FAM53C: variants seen among roughly 807,000 people sequenced by gnomAD.
FAM53C encodes the protein protein FAM53C.
A neutral mutation model predicts 34.7 loss-of-function variants in FAM53C; 10 were observed. That is an observed-to-expected ratio of 0.29 (90% CI 0.18 to 0.49). The LOEUF is 0.49. Ranked by LOEUF, FAM53C falls within the 20% of genes least tolerant of loss-of-function variation. FAM53C has a pLI of 0.99. For missense variants in FAM53C, 442 were observed against 515.3 expected, an observed-to-expected ratio of 0.86 and a Z score of 1.38; for synonymous variants, 203 against 203.6, an observed-to-expected ratio of 1.00 and a Z score of 0.03.
intron 3 of FAM53C, among the ~76,000 whole-genome samples, chr5:138,344,541 G>T (rs7723592): frequency 2.1e-3 from 322 of 152,316 alleles, no homozygotes; most frequent in Middle Eastern, 6.8e-3. Context: ...CCAGGTAGTT[G>T]GTCACAATGG....
In FAM53C at chr5:138,344,810, A is replaced by G. The variant is rs1761121653; in HGVS notation, c.137-15A>G. 7 of 1,518,042 alleles carry G rather than the reference A, an allele frequency of 4.6e-6. No homozygotes were observed. The highest frequency in any genetic ancestry group is 2.3e-5 in the East Asian group (1 of 43,778). 94.0% of individuals were successfully genotyped at this position (1,518,042 alleles called of 1,614,324 possible). A position where few individuals can be genotyped will look rare whatever the true frequency, so the allele number is the denominator to read the frequency against. On this transcript the variant is annotated splice_polypyrimidine_tract_variant and intron_variant, in intron 3 of 4. Transcript: ENST00000239906. ...AGCTATCATTAATATTATTCTTATT[A>G]TAAATGCCTTCCAGAAGGTGCTTCC...
chr5:138,345,485 G>A lies in FAM53C; in HGVS notation c.797G>A (p.Arg266His), dbSNP rs748145088. The A allele has an allele frequency of 1.1e-5, 18 of 1,613,870 alleles. No homozygotes were observed. In the South Asian group the frequency reaches 1.2e-4, roughly 11 times the overall value. Residue 266 changes from arginine (R) to histidine (H), a missense_variant, in exon 4 of 5, where the codon CGC (arginine) becomes CAC (histidine). By Grantham distance (29) the Arg-to-His change is conservative. Coordinates refer to ENST00000239906, the MANE Select transcript of FAM53C (RefSeq NM_016605.3). This position sits in a 1 kb window ranked among gnomAD's most constrained non-coding sequence, Gnocchi z 6.3. ...CTGCCCTGGCGACCTCGAGGTCTCC[G>A]CAACCTTCCCCGAAGCCGCTCACAG... ...PELPWRPRGL[R>H]NLPRSRSQPC...
rs1761200951 is a variant in FAM53C at position 138,347,066 on chromosome 5, G to A, written c.*107G>A. On this transcript the variant is annotated 3_prime_UTR_variant, in exon 5 of 5. Transcript: ENST00000239906. ...CCGAGCCTGGGAATGGGGGTGAGTGGAGGGCTCCGACTCAGGGCAGCTGGA... is the reference window on the plus strand; with the variant it reads ...CCGAGCCTGGGAATGGGGGTGAGTGAAGGGCTCCGACTCAGGGCAGCTGGA... 3 of 1,468,426 alleles carry A rather than the reference G, an allele frequency of 2.0e-6. No homozygotes were observed. Among genetic ancestry groups the A allele is most frequent in the African/African-American group, 2.8e-5 (2 of 71,966 alleles). 91.0% of individuals were successfully genotyped at this position (1,468,426 alleles called of 1,614,324 possible). A position where few individuals can be genotyped will look rare whatever the true frequency, so the allele number is the denominator to read the frequency against.
At chr5:138,344,001 A>G (rs1761102192) in intron 3 of FAM53C, among the ~76,000 whole-genome samples, 1 of 152,168 alleles carries the variant, frequency 6.6e-6, no homozygotes, top group South Asian at 2.1e-4. Context: ...AGCTAGCCAG[A>G]GGAGTTTGGA....
rs879122307 is a variant in FAM53C at position 138,345,507 on chromosome 5, A to T, written c.819A>T (p.Ser273=). The T allele has an allele frequency of 6.2e-7, 1 of 1,614,024 alleles. No individual in the cohort carries two copies. The highest frequency in any genetic ancestry group is 1.7e-5 in the Admixed American group (1 of 60,026). ...TCCGCAACCTTCCCCGAAGCCGCTC[A>T]CAGCCTTGTGATCTGGATGCCCGCA... is the stretch of plus-strand genomic sequence containing the variant. ...RGLRNLPRSR[S]QPCDLDARKT... is the part of the protein sequence containing the mutation. Residue 273 remains serine (S), a synonymous_variant, in exon 4 of 5, where the codon TCA becomes TCT. Transcript: ENST00000239906. The surrounding 1 kb of genome is among the most constrained non-coding windows in gnomAD (Gnocchi z 6.3).
chr5:138,341,333 A>G lies in FAM53C; in HGVS notation c.-3A>G. The G allele has an allele frequency of 6.2e-7, 1 of 1,613,780 alleles. No individual in the cohort carries two copies. The highest frequency in any genetic ancestry group is 8.5e-7 in the Non-Finnish European group (1 of 1,179,650). On this transcript the variant is annotated 5_prime_UTR_variant, in exon 2 of 5. Coordinates refer to ENST00000239906, the MANE Select transcript of FAM53C (RefSeq NM_016605.3). ...GTGTGCAAGTCAAATCCTGGGGAGA[A>G]TCATGATAACCCTGATCACTGAGCA...
At chr5:138,338,033 G>A (rs1760837096), upstream of FAM53C, 1 of 1,289,518 alleles carries the variant, frequency 7.8e-7, no homozygotes, top group South Asian at 1.2e-5. Context: ...CGATATTTTG[G>A]AGGGGGTGAC....
intron 4 of FAM53C, among the ~76,000 whole-genome samples, chr5:138,346,311 A>C (rs1439526452): frequency 2.0e-5 from 3 of 152,234 alleles, no homozygotes; most frequent in Non-Finnish European, 4.4e-5. Context: ...AATGGAAACA[A>C]TGGGCTCCAA....
intron 2 of FAM53C, 48 bp from the exon 3 acceptor site, chr5:138,341,761 T>TC (rs1377012584): frequency 6.4e-7 from 1 of 1,561,422 alleles, no homozygotes; most frequent in Admixed American, 1.7e-5. Context: ...TAGAAATCTG[T>TC]CAGTGTGTCC....
At chr5:138,346,424 G>T (rs1446520138) in intron 4 of FAM53C, among the ~76,000 whole-genome samples, 1 of 152,208 alleles carries the variant, frequency 6.6e-6, no homozygotes, top group Non-Finnish European at 1.5e-5. Context: ...AGGAGATTGA[G>T]ACCATCCTGG....
At chr5:138,341,784 A>T (rs899400564) in intron 2 of FAM53C, 25 bp from the exon 3 acceptor site, 1 of 1,611,166 alleles carries the variant, frequency 6.2e-7, no homozygotes, top group Non-Finnish European at 8.5e-7. Flanking sequence ...AATCCAAATC[A>T]TGATGGATAT....
intron 1 of FAM53C, 150 bp downstream of exon 1, chr5:138,338,457 G>C (rs1760890044): frequency 3.0e-6 from 1 of 330,064 alleles, no homozygotes; most frequent in South Asian, 2.2e-5. Flanking sequence ...GGACCCGGTG[G>C]GGGAGGGGGT....
At position 138,345,701 on chromosome 5, in the gene FAM53C, C is replaced by T. The variant is rs1266131127; in HGVS notation, c.921+92C>T. 18 of 1,423,452 alleles carry T rather than the reference C, an allele frequency of 1.3e-5. No individual in the cohort carries two copies. The highest frequency in any genetic ancestry group is 4.6e-5 in the East Asian group (2 of 43,118). 88.2% of individuals were successfully genotyped at this position (1,423,452 alleles called of 1,614,324 possible). A position where few individuals can be genotyped will look rare whatever the true frequency, so the allele number is the denominator to read the frequency against. ...CTAGCCCCTAGCTTCATTACCCTGC[C>T]GCCCCCACCACCAACAGCACCTCCT... On this transcript the variant is annotated intron_variant, in intron 4 of 4. Transcript: ENST00000239906. This position sits in a 1 kb window ranked among gnomAD's most constrained non-coding sequence, Gnocchi z 6.3.
chr5:138,345,148 G>A lies in FAM53C; in HGVS notation c.460G>A (p.Gly154Ser). ...PIKHRGSGGGGGPQVPHQSPP... is the reference protein window; with the variant it reads ...PIKHRGSGGGSGPQVPHQSPP... ...AAAGCACCGGGGCAGTGGTGGAGGGGGTGGGCCGCAGGTGCCTCACCAGAG... is the reference window on the plus strand; with the variant it reads ...AAAGCACCGGGGCAGTGGTGGAGGGAGTGGGCCGCAGGTGCCTCACCAGAG... The change falls in exon 4 of 5, where the codon GGT (glycine) becomes AGT (serine). Residue 154 changes from glycine to serine, a missense_variant. Gly to Ser is a moderately conservative substitution (Grantham distance 56). Coordinates refer to ENST00000239906, the MANE Select transcript of FAM53C (RefSeq NM_016605.3). The surrounding 1 kb of genome is among the most constrained non-coding windows in gnomAD (Gnocchi z 6.3). 6.2e-7 allele frequency: 1 copy of A among 1,614,152 alleles called. No homozygotes were observed. Among genetic ancestry groups the A allele is most frequent in the Non-Finnish European group, 8.5e-7 (1 of 1,180,024 alleles).
chr5:138,341,955 C>T (rs763071715), intron 3 of FAM53C, 89 bp downstream of exon 3: 26 of 1,296,962 alleles, frequency 2.0e-5, no homozygotes, highest in Non-Finnish European at 2.9e-5. Flanking sequence ...CCAGGGCTAG[C>T]GAGCCTACCT....
rs1239523324 is a variant in FAM53C, at chr5:138,345,998, A to G, written c.921+389A>G. Among the ~76,000 whole-genome samples, 1 of 152,230 alleles carries G rather than the reference A, an allele frequency of 6.6e-6. No individual in the cohort carries two copies. Among genetic ancestry groups the G allele is most frequent in the Non-Finnish European group, 1.5e-5 (1 of 68,038 alleles). ...TTTGCCACTTGCCTGTCACTGCTTCAAAGTGGGTCTGTGAGGGCTGAAGCA... is the reference window on the plus strand; with the variant it reads ...TTTGCCACTTGCCTGTCACTGCTTCGAAGTGGGTCTGTGAGGGCTGAAGCA... On this transcript the variant is annotated intron_variant, in intron 4 of 4. Transcript: ENST00000239906. This position sits in a 1 kb window ranked among gnomAD's most constrained non-coding sequence, Gnocchi z 6.3.
In FAM53C at chr5:138,347,783, C is replaced by T. The variant is rs1315072773; in HGVS notation, c.*824C>T. On this transcript the variant is annotated 3_prime_UTR_variant, in exon 5 of 5. Coordinates refer to ENST00000239906, the MANE Select transcript of FAM53C (RefSeq NM_016605.3). Reference sequence around the variant, plus strand: ...TCATCAGATTGTCCAGGCTATATTCCACCTGCCTCTTTTGCCCTCTTGAGT... The same window carrying T: ...TCATCAGATTGTCCAGGCTATATTCTACCTGCCTCTTTTGCCCTCTTGAGT... 6.6e-6 allele frequency: 1 copy of T among 152,440 alleles called. No homozygotes were observed. The highest frequency in any genetic ancestry group is 1.5e-5 in the Non-Finnish European group (1 of 68,354). 9.4% of individuals were successfully genotyped at this position (152,440 alleles called of 1,614,324 possible). A position where few individuals can be genotyped will look rare whatever the true frequency, so the allele number is the denominator to read the frequency against.
Position 138,344,970 on chromosome 5 carries a change from A to G in FAM53C, c.282A>G (p.Gln94=). Residue 94 remains glutamine, a synonymous_variant, in exon 4 of 5, where the codon CAA becomes CAG. Coordinates refer to ENST00000239906, the MANE Select transcript of FAM53C (RefSeq NM_016605.3). ...GNSPKEQPFS[Q]VLRPEPPDPE... ...CCCCCAAGGAGCAGCCCTTCTCCCAAGTCCTAAGACCTGAGCCCCCAGATC... is the reference window on the plus strand; with the variant it reads ...CCCCCAAGGAGCAGCCCTTCTCCCAGGTCCTAAGACCTGAGCCCCCAGATC... The G allele has an allele frequency of 6.2e-7, 1 of 1,613,968 alleles. No homozygotes were observed. The highest frequency in any genetic ancestry group is 8.5e-7 in the Non-Finnish European group (1 of 1,179,956).
chr5:138,344,076 G>A (rs912714262), intron 3 of FAM53C, among the ~76,000 whole-genome samples: 5 of 152,214 alleles, frequency 3.3e-5, no homozygotes, highest in Non-Finnish European at 7.3e-5. Context: ...AATACAGTGA[G>A]TGAGGATTGT....
Sources: gnomAD v4.1 joint callset for allele counts (sites outside exome capture counted in the v4.1 genomes callset) on GRCh38, gnomAD v4.1.1 for gene constraint, Gnocchi (gnomAD v3.1) non-coding constraint, MANE v1.5 for transcripts, NCBI Gene and HGNC (gene_info 2026-07-23, HGNC 2026-07-21) for gene names.